Variants in MEPE observed in about 807,000 individuals in gnomAD.
The protein encoded by MEPE is matrix extracellular phosphoglycoprotein.
MEPE carries 7 observed loss-of-function variants against 7.3 expected under a neutral mutation model. The ratio of observed to expected loss-of-function variants is 0.95; its 90% CI spans 0.54 to 1.79. The LOEUF (loss-of-function observed/expected upper bound fraction) is 1.79. Among genes scored for constraint, MEPE ranks in the 40% most tolerant of loss-of-function variants. The pLI is 0.00. For missense variants in MEPE, 623 were observed against 628.2 expected (o/e 0.99, Z 0.09); for synonymous variants, 214 against 213.1 (o/e 1.00, Z -0.04).
At chr4:87,840,064 G>A in intron 3 of MEPE, 1 of 1,534,134 alleles carries the variant, frequency 6.5e-7, no homozygotes, top group Non-Finnish European at 8.7e-7. Flanking sequence ...GGTGCCCATG[G>A]ACTGCTGTGT....
intron 3 of MEPE, among the ~76,000 whole-genome samples, chr4:87,841,340 T>C (rs1448811137): frequency 6.6e-6 from 1 of 152,218 alleles, no homozygotes; most frequent in African/African-American, 2.4e-5. Context: ...ATTACTCAAG[T>C]CAAATATTTA....
chr4:87,827,729 C>G (rs984658843), intron 1 of MEPE, among the ~76,000 whole-genome samples: 2 of 152,142 alleles, frequency 1.3e-5, no homozygotes, highest in Admixed American at 6.5e-5. Context: ...AGACATCTCT[C>G]TAATATAAAA....
intron 1 of MEPE, among the ~76,000 whole-genome samples, chr4:87,822,747 C>G (rs559618283): frequency 6.6e-6 from 1 of 152,260 alleles, no homozygotes; most frequent in South Asian, 2.1e-4. Context: ...GGTCAAAAGT[C>G]CTGTGCTCAA....
At chr4:87,843,462 A>G (rs1411156593) in intron 3 of MEPE, among the ~76,000 whole-genome samples, 1 of 152,128 alleles carries the variant, frequency 6.6e-6, no homozygotes, top group Non-Finnish European at 1.5e-5. Flanking sequence ...TAGAACATGC[A>G]GCACCCACCC....
chr4:87,841,342 A>C (rs1723006768), intron 3 of MEPE, among the ~76,000 whole-genome samples: 2 of 152,364 alleles, frequency 1.3e-5, no homozygotes, highest in South Asian at 4.1e-4. Context: ...TACTCAAGTC[A>C]AATATTTAAA....
chr4:87,838,696 T>C lies in MEPE; in HGVS notation c.108+11T>C. Reference sequence around the variant, plus strand: ...GTGGAAGAGCAGAGGGTAAACAGAATTCATCTTTTCAAATAACTCTATTTC... The same window carrying C: ...GTGGAAGAGCAGAGGGTAAACAGAACTCATCTTTTCAAATAACTCTATTTC... On this transcript the variant is annotated intron_variant, in intron 3 of 3. Transcript: ENST00000361056. 3.7e-6 allele frequency: 6 copies of C among 1,610,406 alleles called. No homozygotes were observed. Among genetic ancestry groups the C allele is most frequent in the Non-Finnish European group, 5.1e-6 (6 of 1,177,158 alleles).
chr4:87,843,743 T>C (rs1485524251), intron 3 of MEPE, among the ~76,000 whole-genome samples: 1 of 152,162 alleles, frequency 6.6e-6, no homozygotes, highest in Non-Finnish European at 1.5e-5. Context: ...AATAAATCAG[T>C]CTCTTTTAGT....
chr4:87,835,370 G>T lies in MEPE; in HGVS notation c.54+602G>T, dbSNP rs577501287. 4.6e-5 allele frequency among the ~76,000 whole-genome samples: 7 copies of T among 152,276 alleles called. No individual in the cohort carries two copies. The East Asian group carries it at 1.4e-3, about 29-fold the overall frequency. On this transcript the variant is annotated intron_variant, in intron 2 of 3. Transcript: ENST00000361056. ...CTGACTCACCCAGTTGAATATTCAG[G>T]ATGTGACCAAATTATCTTGTGAAAA... is the stretch of plus-strand genomic sequence containing the variant.
intron 1 of MEPE, among the ~76,000 whole-genome samples, chr4:87,825,428 C>A (rs187440398): frequency 6.6e-6 from 1 of 152,306 alleles, no homozygotes; most frequent in African/African-American, 2.4e-5. Context: ...GTCTTAGGCA[C>A]ACTGTATTCT....
At chr4:87,823,064 C>G (rs1722375307) in intron 1 of MEPE, among the ~76,000 whole-genome samples, 1 of 152,170 alleles carries the variant, frequency 6.6e-6, no homozygotes, top group Non-Finnish European at 1.5e-5. Flanking sequence ...CTGGACGTTT[C>G]AGAAGGAGGC....
intron 1 of MEPE, among the ~76,000 whole-genome samples, chr4:87,826,929 T>C (rs1722484991): frequency 6.6e-6 from 1 of 152,206 alleles, no homozygotes. Context: ...ATTGCAAACA[T>C]TTTTTCCCAT....
chr4:87,831,235 G>A (rs6846514), upstream of MEPE, among the ~76,000 whole-genome samples: 51,161 of 151,984 alleles, frequency 0.34, 8,905 homozygotes, highest in Admixed American at 0.35. Flanking sequence ...GCTTATTCTA[G>A]TATAGGTTTG....
At chr4:87,844,220 G>A (rs1295238808) in intron 3 of MEPE, among the ~76,000 whole-genome samples, 1 of 152,134 alleles carries the variant, frequency 6.6e-6, no homozygotes, top group Non-Finnish European at 1.5e-5. Flanking sequence ...GAAATAGCGA[G>A]TGGCATACGG....
chr4:87,838,562 C>T, intron 2 of MEPE, 70 bp from the exon 3 acceptor site: 1 of 1,381,678 alleles, frequency 7.2e-7, no homozygotes, highest in African/African-American at 1.4e-5. Flanking sequence ...ATAAATGAAA[C>T]ATTTGTTTGA....
At chr4:87,831,742 T>C (rs1722605193), upstream of MEPE, among the ~76,000 whole-genome samples, 1 of 152,156 alleles carries the variant, frequency 6.6e-6, no homozygotes, top group Non-Finnish European at 1.5e-5. Flanking sequence ...TCTGACCTCA[T>C]TTGTTGCTAT....
chr4:87,832,573 G>C (rs1578054265), upstream of MEPE, among the ~76,000 whole-genome samples: 2 of 152,104 alleles, frequency 1.3e-5, no homozygotes, highest in Admixed American at 1.3e-4. Context: ...CACACAGTAG[G>C]CACCTAAAAC....
At chr4:87,829,334 C>T (rs570444598), upstream of MEPE, among the ~76,000 whole-genome samples, 3 of 152,124 alleles carry the variant, frequency 2.0e-5, no homozygotes, top group East Asian at 5.8e-4. Context: ...CAGTTCACCC[C>T]TTGGTAGGAC....
chr4:87,835,699 C>T (rs1016092786), intron 2 of MEPE, among the ~76,000 whole-genome samples: 4 of 152,096 alleles, frequency 2.6e-5, no homozygotes, highest in Non-Finnish European at 5.9e-5. Context: ...ACTGTGGAGG[C>T]TGTACTGCTC....
At chr4:87,832,350 C>T (rs1248436965), upstream of MEPE, among the ~76,000 whole-genome samples, 1 of 152,114 alleles carries the variant, frequency 6.6e-6, no homozygotes, top group Non-Finnish European at 1.5e-5. Flanking sequence ...CCCAGGACTT[C>T]CTATCTAAAA....
Sources: gnomAD v4.1 joint callset for allele counts (sites outside exome capture counted in the v4.1 genomes callset) on GRCh38, gnomAD v4.1.1 for gene constraint, MANE v1.5 for transcripts, NCBI Gene and HGNC (gene_info 2026-07-23, HGNC 2026-07-21) for gene names.